FSTL5: variants seen among roughly 807,000 people sequenced by gnomAD.
FSTL5 encodes follistatin like 5, also known as follistatin-related protein 5.
A neutral mutation model predicts 89.1 loss-of-function variants in FSTL5; 62 were observed. That is an observed-to-expected ratio of 0.70 (90% confidence interval 0.57 to 0.86). FSTL5 has a LOEUF of 0.86. Ranked by LOEUF, FSTL5 falls within the 40% of genes least tolerant of loss-of-function variation. The pLI is 0.00. For missense variants in FSTL5, 1,057 were observed against 1,001.6 expected, an observed-to-expected ratio of 1.06 and a Z score of -0.75; for synonymous variants, 383 against 346.2, an observed-to-expected ratio of 1.11 and a Z score of -1.18.
chr4:161,619,216 A>T (rs1366555255), intron 7 of FSTL5, among the ~76,000 whole-genome samples: 3 of 152,212 alleles, frequency 2.0e-5, no homozygotes, highest in African/African-American at 7.2e-5. Flanking sequence ...CTTAAACGTT[A>T]GACCTAAAAC....
chr4:161,993,346 C>T (rs1736193069), intron 3 of FSTL5, among the ~76,000 whole-genome samples: 1 of 151,480 alleles, frequency 6.6e-6, no homozygotes, highest in Non-Finnish European at 1.5e-5. Context: ...AAAATATTTG[C>T]AATATTTATG....
At chr4:161,666,056 GACA>G (rs1309224126) in intron 6 of FSTL5, among the ~76,000 whole-genome samples, 1 of 151,914 alleles carries the variant, frequency 6.6e-6, no homozygotes, top group African/African-American at 2.4e-5. Context: ...TTATAACTTT[GACA>G]ACATTAAAAT....
At chr4:161,752,320 C>A (rs1244162502) in intron 6 of FSTL5, among the ~76,000 whole-genome samples, 2 of 152,148 alleles carry the variant, frequency 1.3e-5, no homozygotes, top group Non-Finnish European at 2.9e-5. Context: ...CCATCCCATT[C>A]CTTTTCCTTT....
chr4:161,781,386 A>C (rs1741660557), intron 4 of FSTL5, among the ~76,000 whole-genome samples: 1 of 152,226 alleles, frequency 6.6e-6, no homozygotes, highest in African/African-American at 2.4e-5. Flanking sequence ...AAAAAGATTG[A>C]AAGTGTCAAT....
At chr4:161,860,070 C>T (rs1398239623) in intron 4 of FSTL5, among the ~76,000 whole-genome samples, 9 of 152,252 alleles carry the variant, frequency 5.9e-5, no homozygotes, top group Middle Eastern at 3.4e-3. Context: ...GGGCGGATCA[C>T]AAGGTCAGGA....
intron 1 of FSTL5, among the ~76,000 whole-genome samples, chr4:162,119,230 T>TA (rs35645704): frequency 0.22 from 31,957 of 142,542 alleles, 3,684 homozygotes; most frequent in Middle Eastern, 0.32. Context: ...CTATCTCTCT[T>TA]AAAAAAAAAA....
At chr4:161,900,437 G>C (rs62331165) in intron 4 of FSTL5, among the ~76,000 whole-genome samples, 2 of 151,200 alleles carry the variant, frequency 1.3e-5, no homozygotes, top group South Asian at 2.1e-4. Flanking sequence ...TCAAGAGTTC[G>C]AGACCAGCCT....
chr4:161,670,937 T>A (rs138562201), intron 6 of FSTL5, among the ~76,000 whole-genome samples: 151 of 152,296 alleles, frequency 9.9e-4, no homozygotes, highest in African/African-American at 3.5e-3. Context: ...GCATCAGGTT[T>A]AGTAAGGAAT....
At chr4:162,036,224 A>G (rs545736624) in intron 2 of FSTL5, among the ~76,000 whole-genome samples, 4 of 152,166 alleles carry the variant, frequency 2.6e-5, no homozygotes, top group Non-Finnish European at 5.9e-5. Flanking sequence ...TGACATCCGT[A>G]CTTGGATTTC....
At chr4:161,542,845 C>G (rs902550243) in intron 8 of FSTL5, 152 bp from the exon 9 acceptor site, 9 of 427,594 alleles carry the variant, frequency 2.1e-5, no homozygotes, top group African/African-American at 4.1e-5. Flanking sequence ...TAGCATTATC[C>G]ACTGAAATGT....
chr4:161,698,944 ACT>A (rs1444456248), intron 6 of FSTL5, among the ~76,000 whole-genome samples: 4 of 151,276 alleles, frequency 2.6e-5, no homozygotes, highest in Non-Finnish European at 5.9e-5. Context: ...AGTAAGAAAG[ACT>A]CTGTCTCAAA....
intron 4 of FSTL5, among the ~76,000 whole-genome samples, chr4:161,896,186 T>C (rs1480687850): frequency 1.3e-5 from 2 of 152,240 alleles, no homozygotes; most frequent in Non-Finnish European, 2.9e-5. Flanking sequence ...TAAACCTTTA[T>C]TGTATCTTCA....
At chr4:161,812,255 G>T (rs901824628) in intron 4 of FSTL5, among the ~76,000 whole-genome samples, 45 of 152,190 alleles carry the variant, frequency 3.0e-4, no homozygotes, top group Non-Finnish European at 8.8e-5. Flanking sequence ...CATTCTTAGA[G>T]ATATTTAGGC....
At chr4:161,717,678 A>C (rs1023475841) in intron 6 of FSTL5, among the ~76,000 whole-genome samples, 2 of 152,106 alleles carry the variant, frequency 1.3e-5, no homozygotes, top group Admixed American at 6.5e-5. Flanking sequence ...TGTAAAAAAA[A>C]CTCAATCTTT....
chr4:161,596,222 A>G (rs1020572810), intron 7 of FSTL5, among the ~76,000 whole-genome samples: 3 of 152,040 alleles, frequency 2.0e-5, no homozygotes, highest in Non-Finnish European at 2.9e-5. Flanking sequence ...CACTGTGAAA[A>G]TAATAAATTA....
intron 15 of FSTL5, among the ~76,000 whole-genome samples, chr4:161,423,788 G>C (rs1732072371): frequency 6.6e-6 from 1 of 151,966 alleles, no homozygotes. Context: ...AAGCCAACTT[G>C]AAAGTGGTTT....
chr4:161,586,779 C>T (rs1391236823), intron 8 of FSTL5, among the ~76,000 whole-genome samples: 1 of 152,164 alleles, frequency 6.6e-6, no homozygotes, highest in Non-Finnish European at 1.5e-5. Flanking sequence ...CCACTCTCCT[C>T]TAAATTCATG....
At chr4:161,618,650 A>T (rs1043521873) in intron 7 of FSTL5, among the ~76,000 whole-genome samples, 1 of 152,192 alleles carries the variant, frequency 6.6e-6, no homozygotes, top group Non-Finnish European at 1.5e-5. Flanking sequence ...ATATTGAACT[A>T]GCTTTGTATC....
At chr4:161,416,295 C>T (rs1485143504) in intron 15 of FSTL5, among the ~76,000 whole-genome samples, 1 of 152,122 alleles carries the variant, frequency 6.6e-6, no homozygotes, top group Admixed American at 6.6e-5. Flanking sequence ...CTGACAGAGC[C>T]AATGACCTTT....
Sources: allele counts gnomAD v4.1 joint callset (sites outside exome capture counted in the v4.1 genomes callset), GRCh38; gene constraint gnomAD v4.1.1; transcripts MANE v1.5; gene names NCBI Gene and HGNC (gene_info 2026-07-23, HGNC 2026-07-21).